Variants in ULBP2 observed in about 807,000 individuals in gnomAD.
ULBP2 encodes UL16 binding protein 2, also known as UL16-binding protein 2.
Under a neutral mutation model 23.6 loss-of-function variants are expected in ULBP2, and 21 were observed. The observed-to-expected ratio is 0.89, with a 90% CI of 0.63 to 1.28. The LOEUF is 1.28. Ranked by LOEUF, ULBP2 falls within the 50% of genes most tolerant of loss-of-function variation. The pLI is 0.00. For synonymous variants in ULBP2, 82 were observed against 112.8 expected (o/e 0.73, Z 1.73); for missense variants, 251 against 306.0 (o/e 0.82, Z 1.34).
Position 149,946,460 on chromosome 6 carries a change from G to C in ULBP2, c.438G>C (p.Gln146His). ...SGSWQFSFDG[Q>H]IFLLFDSEKR... ...CTTGGCAGTTCAGTTTCGATGGGCA[G>C]ATCTTCCTCCTCTTTGACTCAGAGA... The change falls in exon 3 of 5, where the codon CAG becomes CAC. Residue 146 changes from glutamine to histidine, a missense_variant. Physicochemically the swap from Gln to His is conservative, Grantham distance 24 (BLOSUM62 0). Transcript: ENST00000367351. The C allele has an allele frequency of 6.2e-7, 1 of 1,614,194 alleles. No individual in the cohort carries two copies. Among genetic ancestry groups the C allele is most frequent in the South Asian group, 1.1e-5 (1 of 91,084 alleles).
chr6:149,942,274 G>A, intron 1 of ULBP2, 117 bp downstream of exon 1: 1 of 1,121,082 alleles, frequency 8.9e-7, no homozygotes, highest in Non-Finnish European at 1.2e-6. Context: ...TCCCCTAACT[G>A]CGCCCCCGTT....
In ULBP2 at chr6:149,946,244, AC is replaced by A. The variant is rs1778938574; in HGVS notation, c.350-124del. On this transcript the variant is annotated intron_variant, in intron 2 of 4. Transcript: ENST00000367351. Reference sequence around the variant, plus strand: ...AAAATACAAATGGGAAGGTCATCATACCCCTCAAGAGTCTAGAGGCAAGGCC... The same window carrying A: ...AAAATACAAATGGGAAGGTCATCATACCCTCAAGAGTCTAGAGGCAAGGCC... 3 of 1,217,228 alleles carry A rather than the reference AC, an allele frequency of 2.5e-6. No individual in the cohort carries two copies. In the East Asian group the frequency reaches 7.1e-5, roughly 29 times the overall value. The allele number at this position is 1,217,228 out of a possible 1,614,324, so 75.4% of individuals were successfully genotyped here.
At chr6:149,944,517 T>C (rs1254963542) in intron 1 of ULBP2, among the ~76,000 whole-genome samples, 1 of 140,384 alleles carries the variant, frequency 7.1e-6, no homozygotes, top group Non-Finnish European at 1.5e-5. Context: ...CCCCCAACCC[T>C]GGCCTTCAGC....
At chr6:149,945,665 G>C in intron 2 of ULBP2, 93 bp downstream of exon 2, 1 of 1,606,832 alleles carries the variant, frequency 6.2e-7, no homozygotes, top group Admixed American at 1.7e-5. Context: ...AAAGGGTCCT[G>C]GGCACGGTGG....
At position 149,945,324 on chromosome 6, in the gene ULBP2, G is replaced by A. The variant is rs1165840913; in HGVS notation, c.101G>A (p.Cys34Tyr). 9.3e-6 allele frequency: 15 copies of A among 1,611,176 alleles called. No individual in the cohort carries two copies. Among genetic ancestry groups the A allele is most frequent in the South Asian group, 2.2e-5 (2 of 90,926 alleles). Residue 34 changes from cysteine (C) to tyrosine (Y), a missense_variant, in exon 2 of 5, where the codon TGC becomes TAC. Cys to Tyr is a radical substitution (Grantham distance 194). Coordinates refer to ENST00000367351, the MANE Select transcript of ULBP2 (RefSeq NM_025217.4). Reference protein sequence around the residue: ...RAGRADPHSLCYDITVIPKFR... With the variant: ...RAGRADPHSLYYDITVIPKFR... Reference sequence around the variant, plus strand: ...TTCTCCACAGACCCTCACTCTCTTTGCTATGACATCACCGTCATCCCTAAG... The same window carrying A: ...TTCTCCACAGACCCTCACTCTCTTTACTATGACATCACCGTCATCCCTAAG...
rs1778985881 is a variant in ULBP2, at chr6:149,949,132, T to A, written c.*432T>A. 6.4e-6 allele frequency: 1 copy of A among 155,890 alleles called. No homozygotes were observed. 9.7% of individuals were successfully genotyped at this position (155,890 alleles called of 1,614,324 possible). A position where few individuals can be genotyped will look rare whatever the true frequency, so the allele number is the denominator to read the frequency against. On this transcript the variant is annotated 3_prime_UTR_variant, in exon 5 of 5. Transcript: ENST00000367351. ...ATTCTTTCCGTGTCCTGAAAGAGAATTTTTAAATTATTTAATAAGAAAAAA... is the reference window on the plus strand; with the variant it reads ...ATTCTTTCCGTGTCCTGAAAGAGAAATTTTAAATTATTTAATAAGAAAAAA...
chr6:149,948,757 G>C lies in ULBP2; in HGVS notation c.*57G>C, dbSNP rs1211685328. 8.8e-6 allele frequency: 4 copies of C among 456,582 alleles called. No individual in the cohort carries two copies. Among genetic ancestry groups the C allele is most frequent in the Non-Finnish European group, 1.8e-5 (4 of 226,986 alleles). The allele number at this position is 456,582 out of a possible 1,614,324, so 28.3% of individuals were successfully genotyped here. On this transcript the variant is annotated 3_prime_UTR_variant, in exon 5 of 5. Coordinates refer to ENST00000367351, the MANE Select transcript of ULBP2 (RefSeq NM_025217.4). Reference sequence around the variant, plus strand: ...GATACCAAAAGGCTCCTGTGAGCACGGTCTTGATCAAACTCGCCCTTCTGT... The same window carrying C: ...GATACCAAAAGGCTCCTGTGAGCACCGTCTTGATCAAACTCGCCCTTCTGT...
intron 1 of ULBP2, among the ~76,000 whole-genome samples, chr6:149,943,367 T>C (rs1435299896): frequency 2.0e-5 from 3 of 152,108 alleles, no homozygotes; most frequent in African/African-American, 7.2e-5. Context: ...GGTCCCATAG[T>C]TGGGGGCTTA....
rs374966627 is a variant in ULBP2, at chr6:149,945,376, G to A, written c.153G>A (p.Ala51=). The change falls in exon 2 of 5, where the codon GCG becomes GCA. Residue 51 remains alanine, a synonymous_variant. Coordinates refer to ENST00000367351, the MANE Select transcript of ULBP2 (RefSeq NM_025217.4). The part of the protein sequence containing the change: ...PKFRPGPRWC[A]VQGQVDEKTF... Reference sequence around the variant, plus strand: ...TCAGACCTGGACCACGGTGGTGTGCGGTTCAAGGCCAGGTGGATGAAAAGA... The same window carrying A: ...TCAGACCTGGACCACGGTGGTGTGCAGTTCAAGGCCAGGTGGATGAAAAGA... 4.3e-5 allele frequency: 69 copies of A among 1,612,778 alleles called. No homozygotes were observed. The African/African-American group carries it at 4.5e-4, about 11-fold the overall frequency.
intron 1 of ULBP2, among the ~76,000 whole-genome samples, chr6:149,944,803 C>G (rs1314235250): frequency 7.2e-6 from 1 of 139,312 alleles, no homozygotes; most frequent in Non-Finnish European, 1.5e-5. Flanking sequence ...CAGATGCATG[C>G]CATCACCAGG....
At position 149,942,173 on chromosome 6, in the gene ULBP2, GAGCCTA is replaced by G; in HGVS notation, c.85+21_85+26del. On this transcript the variant is annotated intron_variant, in intron 1 of 4. Transcript: ENST00000367351. The stretch of plus-strand genomic sequence containing the variant: ...GGGCGAGCCGGTGAGTTCGTGGATG[GAGCCTA>G]AGCCGGGCGGGGACCAAGCCTGGAG... The G allele has an allele frequency of 6.2e-7, 1 of 1,611,844 alleles. No individual in the cohort carries two copies.
chr6:149,948,306 G>T (rs1239284731), intron 4 of ULBP2, among the ~76,000 whole-genome samples: 3 of 152,202 alleles, frequency 2.0e-5, no homozygotes, highest in Admixed American at 6.5e-5. Context: ...TGTGAGGAGA[G>T]GCTCAAGAAG....
intron 4 of ULBP2, 83 bp from the exon 5 acceptor site, chr6:149,948,640 A>AT (rs1778978828): frequency 2.2e-6 from 1 of 456,512 alleles, no homozygotes; most frequent in African/African-American, 2.0e-5. Flanking sequence ...GCTCTGAGAC[A>AT]TAGAGTGACT....
At chr6:149,946,160 G>A (rs1227271104) in intron 2 of ULBP2, among the ~76,000 whole-genome samples, 4 of 148,734 alleles carry the variant, frequency 2.7e-5, no homozygotes, top group African/African-American at 7.5e-5. Flanking sequence ...CCGAGATCGC[G>A]CCACTGCACT....
intron 2 of ULBP2, among the ~76,000 whole-genome samples, chr6:149,946,030 T>C (rs62441760): frequency 0.13 from 12,696 of 99,692 alleles, 17 homozygotes; most frequent in Non-Finnish European, 0.14. Flanking sequence ...ATCACGAGGT[T>C]AAGAGATCGA....
intron 3 of ULBP2, 150 bp downstream of exon 3, chr6:149,946,803 C>A (rs1778950094): frequency 1.5e-6 from 2 of 1,331,946 alleles, no homozygotes; most frequent in African/African-American, 1.5e-5. Flanking sequence ...GGGTTACTGG[C>A]ATGCCTGTGC....
rs1778983152 is a variant in ULBP2, at chr6:149,948,931, T to C, written c.*231T>C. 3 of 316,088 alleles carry C rather than the reference T, an allele frequency of 9.5e-6. No individual in the cohort carries two copies. In the Admixed American group the frequency reaches 1.3e-4, roughly 13 times the overall value. The allele number at this position is 316,088 out of a possible 1,614,324, so 19.6% of individuals were successfully genotyped here. A position where few individuals can be genotyped will look rare whatever the true frequency, so the allele number is the denominator to read the frequency against. ...ATACCTAACATATTATGCAATTTTC[T>C]CTTGGTGCTACCTGATGGAATTCCT... On this transcript the variant is annotated 3_prime_UTR_variant, in exon 5 of 5. Coordinates refer to ENST00000367351, the MANE Select transcript of ULBP2 (RefSeq NM_025217.4).
At chr6:149,943,688 T>TG (rs1169475996) in intron 1 of ULBP2, among the ~76,000 whole-genome samples, 1,787 of 151,176 alleles carry the variant, frequency 0.012, 45 homozygotes, top group African/African-American at 0.041. Flanking sequence ...TGCCTTGTCA[T>TG]GGGCCTTCTT....
chr6:149,942,111 C>G lies in ULBP2; in HGVS notation c.39C>G (p.Leu13=). 6.2e-7 allele frequency: 1 copy of G among 1,613,526 alleles called. No individual in the cohort carries two copies. Among genetic ancestry groups the G allele is most frequent in the Non-Finnish European group, 8.5e-7 (1 of 1,179,874 alleles). Residue 13 remains leucine (L), a synonymous_variant, in exon 1 of 5, where the codon CTC becomes CTG. Coordinates refer to ENST00000367351, the MANE Select transcript of ULBP2 (RefSeq NM_025217.4). ...AAAATKILLC[L]PLLLLLSGWS... is the part of the protein sequence containing the mutation. ...CCGCTACCAAGATCCTTCTGTGCCT[C>G]CCGCTTCTGCTCCTGCTGTCCGGCT...
Sources: allele counts gnomAD v4.1 joint callset (sites outside exome capture counted in the v4.1 genomes callset), GRCh38; gene constraint gnomAD v4.1.1; transcripts MANE v1.5; gene names NCBI Gene and HGNC (gene_info 2026-07-23, HGNC 2026-07-21).